The following ZNF285 variants were observed in gnomAD, a reference collection of about 807,000 sequenced individuals.
The protein encoded by ZNF285 is zinc finger protein 285A.
Under a neutral mutation model 6.2 loss-of-function variants are expected in ZNF285, and 4 were observed. The ratio of observed to expected loss-of-function variants is 0.65; its 90% CI spans 0.32 to 1.49. The LOEUF (loss-of-function observed/expected upper bound fraction) is 1.49. Among genes scored for constraint, ZNF285 ranks in the 40% most tolerant of loss-of-function variants. The pLI is 0.07. For synonymous variants in ZNF285, 240 were observed against 245.8 expected (o/e 0.98, Z 0.22); for missense variants, 695 against 708.8 (o/e 0.98, Z 0.22).
At position 44,386,312 on chromosome 19, in the gene ZNF285, A is replaced by G; in HGVS notation, c.*160T>C. On this transcript the variant is annotated 3_prime_UTR_variant, in exon 4 of 4. Transcript: ENST00000614994. Reference sequence around the variant, plus strand: ...AGCTTCACAGAAGTTCTTGAAATCCACAGTCCTTGCCTGGCACACTTCAGT... The same window carrying G: ...AGCTTCACAGAAGTTCTTGAAATCCGCAGTCCTTGCCTGGCACACTTCAGT... The G allele has an allele frequency of 1.3e-6, 1 of 772,980 alleles. No homozygotes were observed. Among genetic ancestry groups the G allele is most frequent in the Non-Finnish European group, 2.0e-6 (1 of 499,232 alleles). 47.9% of individuals were successfully genotyped at this position (772,980 alleles called of 1,614,324 possible). A position where few individuals can be genotyped will look rare whatever the true frequency, so the allele number is the denominator to read the frequency against.
chr19:44,390,778 G>C (rs922017284), intron 3 of ZNF285, among the ~76,000 whole-genome samples: 3 of 151,814 alleles, frequency 2.0e-5, no homozygotes, highest in Admixed American at 2.0e-4. Flanking sequence ...AACCTGGTAG[G>C]GGGTGACTGA....
At position 44,387,580 on chromosome 19, in the gene ZNF285, C is replaced by T. The variant is rs750553123; in HGVS notation, c.665G>A (p.Arg222His). Residue 222 changes from arginine (R) to histidine (H), a missense_variant, in exon 4 of 4, where the codon CGT (arginine) becomes CAT (histidine). Transcript: ENST00000614994. ...CTGTGGTAATACATGGGCCGCATTA[C>T]GTTTTTCAACCGTTGATTTCATACC... ...NLGMKSTVEK[R>H]NAAHVLPQPF... The T allele has an allele frequency of 1.1e-5, 18 of 1,613,790 alleles. No individual in the cohort carries two copies. Among genetic ancestry groups the T allele is most frequent in the East Asian group, 2.2e-5 (1 of 44,894 alleles).
intron 2 of ZNF285, among the ~76,000 whole-genome samples, chr19:44,394,357 C>T (rs28737344): frequency 0.013 from 2,050 of 151,916 alleles, 53 homozygotes; most frequent in African/African-American, 0.046. Flanking sequence ...CACATGTATA[C>T]ATATGTAACT....
At chr19:44,400,637 T>C (rs371775505) in intron 1 of ZNF285, among the ~76,000 whole-genome samples, 8 of 152,200 alleles carry the variant, frequency 5.3e-5, no homozygotes, top group Admixed American at 1.3e-4. Context: ...TGCAGTGGCG[T>C]GATCTCAGCT....
intron 2 of ZNF285, among the ~76,000 whole-genome samples, chr19:44,393,257 CAT>C (rs1430325113): frequency 6.6e-6 from 1 of 152,060 alleles, no homozygotes. Flanking sequence ...GTATATTATA[CAT>C]ATGTTTGTGG....
chr19:44,399,022 GTTA>G (rs1568390613), intron 1 of ZNF285, among the ~76,000 whole-genome samples: 1 of 152,160 alleles, frequency 6.6e-6, no homozygotes, highest in African/African-American at 2.4e-5. Context: ...AAGCCCAATT[GTTA>G]TTATTATGTT....
intron 3 of ZNF285, among the ~76,000 whole-genome samples, chr19:44,388,407 C>T (rs888863999): frequency 6.6e-6 from 1 of 151,072 alleles, no homozygotes; most frequent in Non-Finnish European, 1.5e-5. Flanking sequence ...TAATGAGATT[C>T]CCATCTCTAC....
At position 44,382,709 on chromosome 19, in the gene ZNF285, T is replaced by C. The variant is rs543937954; in HGVS notation, c.*3763A>G. ...ATAGACCACACCTCACCGCTATGTT[T>C]TTATCCTTCTTAAAGAGCAATTGTG... On this transcript the variant is annotated 3_prime_UTR_variant, in exon 4 of 4. Transcript: ENST00000614994. 6.6e-6 allele frequency: 1 copy of C among 152,302 alleles called. No homozygotes were observed. The highest frequency in any genetic ancestry group is 2.1e-4 in the South Asian group (1 of 4,828). The allele number at this position is 152,302 out of a possible 1,614,324, so 9.4% of individuals were successfully genotyped here.
Position 44,387,290 on chromosome 19 carries a change from T to A in ZNF285, c.955A>T (p.Lys319Ter), listed in dbSNP as rs1971104113. Residue 319 changes from lysine (K) to a stop codon, truncating the protein, a stop_gained, in exon 4 of 4, where the codon AAA (lysine) becomes TAA (stop). Transcript: ENST00000614994. LOFTEE classifies it low-confidence loss of function (END_TRUNC). ...CGCCTGAAGCCCTTGCCACATTCTTTACATTTGTAGGGTTTGTCTCCTGAG... is the reference window on the plus strand; with the variant it reads ...CGCCTGAAGCCCTTGCCACATTCTTAACATTTGTAGGGTTTGTCTCCTGAG... ...VSSGDKPYKC[K>*]ECGKGFRRSS... 1 of 1,614,074 alleles carries A rather than the reference T, an allele frequency of 6.2e-7. No individual in the cohort carries two copies. Among genetic ancestry groups the A allele is most frequent in the African/African-American group, 1.3e-5 (1 of 74,934 alleles).
intron 1 of ZNF285, among the ~76,000 whole-genome samples, chr19:44,398,819 C>T (rs905869687): frequency 4.0e-5 from 6 of 151,870 alleles, no homozygotes; most frequent in Non-Finnish European, 7.4e-5. Flanking sequence ...GTGGAAACAC[C>T]GAAGATTAAA....
rs1223391696 is a variant in ZNF285 at position 44,397,683 on chromosome 19, G to A, written c.-43-427C>T. Among the ~76,000 whole-genome samples, 30 of 151,968 alleles carry A rather than the reference G, an allele frequency of 2.0e-4. 1 individual carries two copies. Among genetic ancestry groups the A allele is most frequent in the Admixed American group, 1.5e-3 (23 of 15,258 alleles). ...GTGGATCACTTGAGGCCAGGAGTTC[G>A]AGACCAGCCTGGACAACATGGTGAA... On this transcript the variant is annotated intron_variant, in intron 1 of 3. Coordinates refer to ENST00000614994, the MANE Select transcript of ZNF285 (RefSeq NM_152354.6).
At chr19:44,401,179 C>G (rs543126032) in intron 1 of ZNF285, among the ~76,000 whole-genome samples, 12 of 152,252 alleles carry the variant, frequency 7.9e-5, no homozygotes, top group African/African-American at 2.9e-4. Flanking sequence ...TTCAGGGACG[C>G]ACAGTCCAGC....
intron 1 of ZNF285, among the ~76,000 whole-genome samples, chr19:44,397,884 G>GAAA (rs61478336): frequency 2.1e-5 from 2 of 95,600 alleles, no homozygotes; most frequent in Admixed American, 1.0e-4. Context: ...TCTCAAAAGA[G>GAAA]AAAAAAAAAA....
chr19:44,392,717 G>C (rs1971218615), intron 2 of ZNF285: 1 of 659,844 alleles, frequency 1.5e-6, no homozygotes, highest in African/African-American at 1.8e-5. Flanking sequence ...ATGAGAGCAA[G>C]CTCTGTTGAG....
chr19:44,394,759 C>G (rs1296261112), intron 2 of ZNF285, among the ~76,000 whole-genome samples: 1 of 152,116 alleles, frequency 6.6e-6, no homozygotes, highest in African/African-American at 2.4e-5. Flanking sequence ...AAGGACTTCA[C>G]AAGAACATGT....
At position 44,386,601 on chromosome 19, in the gene ZNF285, G is replaced by A. The variant is rs1363611962; in HGVS notation, c.1644C>T (p.Gly548=). The A allele has an allele frequency of 6.2e-7, 1 of 1,614,144 alleles. No homozygotes were observed. Among genetic ancestry groups the A allele is most frequent in the African/African-American group, 1.3e-5 (1 of 75,038 alleles). The stretch of plus-strand genomic sequence containing the variant: ...CAAGGAGGTATGAATTACGACTGAA[G>A]CCCTTACCACATGCCTTACACTTAT... ...RPYKCKACGK[G]FSRNSYLLAH... Residue 548 remains glycine (G), a synonymous_variant, in exon 4 of 4, where the codon GGC becomes GGT. Coordinates refer to ENST00000614994, the MANE Select transcript of ZNF285 (RefSeq NM_152354.6).
chr19:44,397,635 A>T (rs1377364346), intron 1 of ZNF285, among the ~76,000 whole-genome samples: 1 of 152,176 alleles, frequency 6.6e-6, no homozygotes, highest in East Asian at 1.9e-4. Flanking sequence ...CTGTAATCCC[A>T]GCACTTTGGG....
chr19:44,395,388 A>G (rs1351967814), intron 2 of ZNF285, among the ~76,000 whole-genome samples: 1 of 152,164 alleles, frequency 6.6e-6, no homozygotes, highest in Non-Finnish European at 1.5e-5. Flanking sequence ...TGGTTTCTGC[A>G]ACAAGTCAAT....
In ZNF285 at chr19:44,392,449, C is replaced by T. The variant is rs376209034; in HGVS notation, c.33G>A (p.Lys11=). The stretch of plus-strand genomic sequence containing the variant: ...CCTTGGTGAAGACAACAGCCACATC[C>T]TTGAATGTCACCCTTTCCTAAAACA... The part of the protein sequence containing the change: MIKFQERVTF[K]DVAVVFTKEE... The change falls in exon 3 of 4, where the codon AAG becomes AAA. Residue 11 remains lysine (K), a synonymous_variant. Transcript: ENST00000614994. 4.3e-6 allele frequency: 7 copies of T among 1,613,752 alleles called. No homozygotes were observed. The highest frequency in any genetic ancestry group is 4.2e-6 in the Non-Finnish European group (5 of 1,179,838).
Sources: allele counts gnomAD v4.1 joint callset (sites outside exome capture counted in the v4.1 genomes callset), GRCh38; gene constraint gnomAD v4.1.1; transcripts MANE v1.5; gene names NCBI Gene and HGNC (gene_info 2026-07-23, HGNC 2026-07-21).